Variants in PRTFDC1 observed in about 807,000 individuals in gnomAD.
The protein encoded by PRTFDC1 is phosphoribosyl transferase domain containing 1.
A neutral mutation model predicts 34.6 loss-of-function variants in PRTFDC1; 38 were observed. That is an observed-to-expected ratio of 1.10 (90% CI 0.85 to 1.44). The LOEUF (loss-of-function observed/expected upper bound fraction) is 1.44. PRTFDC1 is among the 40% of genes most tolerant of loss of function. The pLI is 0.00. For synonymous variants in PRTFDC1, 93 were observed against 98.1 expected, an observed-to-expected ratio of 0.95 and a Z score of 0.31; for missense variants, 270 against 283.0, an observed-to-expected ratio of 0.95 and a Z score of 0.33.
intron 4 of PRTFDC1, among the ~76,000 whole-genome samples, chr10:24,868,706 C>A (rs1437110304): frequency 6.6e-6 from 1 of 152,178 alleles, no homozygotes; most frequent in Non-Finnish European, 1.5e-5. Flanking sequence ...ATCCTTTCAT[C>A]CACTGCAGAT....
chr10:24,864,150 TAAG>T (rs1157301625), intron 4 of PRTFDC1, among the ~76,000 whole-genome samples: 2 of 152,040 alleles, frequency 1.3e-5, no homozygotes, highest in East Asian at 3.8e-4. Flanking sequence ...CTTGAACAGA[TAAG>T]GAGTTGCTTC....
chr10:24,911,608 C>T (rs1272382428), intron 3 of PRTFDC1, among the ~76,000 whole-genome samples: 1 of 152,214 alleles, frequency 6.6e-6, no homozygotes. Flanking sequence ...TGGCTCATAC[C>T]TGTAATCCCA....
At chr10:24,934,879 C>T (rs138652699) in intron 3 of PRTFDC1, among the ~76,000 whole-genome samples, 19 of 152,214 alleles carry the variant, frequency 1.2e-4, no homozygotes, top group African/African-American at 3.1e-4. Flanking sequence ...AAATATTTTA[C>T]GGAGTTTGAC....
In PRTFDC1 at chr10:24,849,622, T is replaced by G; in HGVS notation, c.*222A>C. The G allele has an allele frequency of 2.0e-6, 1 of 496,966 alleles. No individual in the cohort carries two copies. Among genetic ancestry groups the G allele is most frequent in the Non-Finnish European group, 3.6e-6 (1 of 278,938 alleles). The allele number at this position is 496,966 out of a possible 1,614,324, so 30.8% of individuals were successfully genotyped here. A position where few individuals can be genotyped will look rare whatever the true frequency, so the allele number is the denominator to read the frequency against. ...TTGCTGAGTCACAAGGCGGAGTGTT[T>G]AATTTGGAACAAGTCAAATAAAAGC... On this transcript the variant is annotated 3_prime_UTR_variant, in exon 9 of 9. Transcript: ENST00000320152.
chr10:24,937,387 T>G lies in PRTFDC1; in HGVS notation c.156-20A>C. ...TCAATTCTGAAAGAAGGATAAAAGA[T>G]ATATTAAGGCACAACTACTTCTGAG... On this transcript the variant is annotated intron_variant, in intron 2 of 8. Coordinates refer to ENST00000320152, the MANE Select transcript of PRTFDC1 (RefSeq NM_020200.7). The G allele has an allele frequency of 6.3e-7, 1 of 1,595,178 alleles. No individual in the cohort carries two copies. The highest frequency in any genetic ancestry group is 1.3e-5 in the African/African-American group (1 of 74,294).
intron 3 of PRTFDC1, among the ~76,000 whole-genome samples, chr10:24,890,677 C>CT (rs1848245266): frequency 6.6e-6 from 1 of 152,164 alleles, no homozygotes; most frequent in Non-Finnish European, 1.5e-5. Flanking sequence ...TGTCTGGCTC[C>CT]TTTGCCCATA....
chr10:24,927,553 G>C (rs1380129649), intron 3 of PRTFDC1, among the ~76,000 whole-genome samples: 1 of 151,026 alleles, frequency 6.6e-6, no homozygotes, highest in Non-Finnish European at 1.5e-5. Flanking sequence ...GTTTGCAAAA[G>C]AGTATTGAAG....
intron 4 of PRTFDC1, among the ~76,000 whole-genome samples, chr10:24,868,937 G>A (rs576787885): frequency 1.3e-5 from 2 of 151,896 alleles, no homozygotes; most frequent in African/African-American, 2.4e-5. Context: ...ATGTATTTAC[G>A]GAGTACATGA....
At chr10:24,864,601 T>A (rs1352503729) in intron 4 of PRTFDC1, among the ~76,000 whole-genome samples, 1 of 152,172 alleles carries the variant, frequency 6.6e-6, no homozygotes, top group African/African-American at 2.4e-5. Context: ...TTTCATTAAG[T>A]TATGTGCCTT....
intron 4 of PRTFDC1, among the ~76,000 whole-genome samples, chr10:24,858,615 T>C (rs1429348379): frequency 6.6e-6 from 1 of 152,176 alleles, no homozygotes; most frequent in Non-Finnish European, 1.5e-5. Context: ...GCAATATTAG[T>C]ATCTATATTT....
intron 3 of PRTFDC1, among the ~76,000 whole-genome samples, chr10:24,881,719 T>C (rs569260107): frequency 3.9e-5 from 6 of 152,130 alleles, no homozygotes; most frequent in Non-Finnish European, 7.4e-5. Flanking sequence ...TTCCACAAAT[T>C]TTGATAAACA....
chr10:24,915,123 A>G (rs987627329), intron 3 of PRTFDC1, among the ~76,000 whole-genome samples: 4 of 152,190 alleles, frequency 2.6e-5, no homozygotes, highest in African/African-American at 9.7e-5. Flanking sequence ...CATGAGACAC[A>G]CATGGCTAGC....
chr10:24,870,961 A>T (rs944127400), intron 4 of PRTFDC1, among the ~76,000 whole-genome samples: 3 of 151,162 alleles, frequency 2.0e-5, no homozygotes, highest in African/African-American at 7.3e-5. Context: ...AATCCCAGCT[A>T]CTTGGGAGGC....
At chr10:24,937,474 G>A (rs1182364598) in intron 2 of PRTFDC1, 107 bp from the exon 3 acceptor site, 5 of 1,035,434 alleles carry the variant, frequency 4.8e-6, no homozygotes, top group Non-Finnish European at 5.3e-6. Context: ...TCAGAGGAAT[G>A]TGGGGAAAAC....
At chr10:24,916,845 G>A (rs2132576865) in intron 3 of PRTFDC1, among the ~76,000 whole-genome samples, 1 of 152,200 alleles carries the variant, frequency 6.6e-6, no homozygotes, top group Admixed American at 6.5e-5. Context: ...GCGAGTGAAT[G>A]GGCTATGCAA....
intron 3 of PRTFDC1, among the ~76,000 whole-genome samples, chr10:24,923,169 C>T (rs929293380): frequency 5.3e-5 from 8 of 152,346 alleles, no homozygotes; most frequent in Admixed American, 4.6e-4. Context: ...CAGAGCCCAC[C>T]ACAGCTCAGC....
chr10:24,949,828 G>A (rs543590904), intron 1 of PRTFDC1, among the ~76,000 whole-genome samples: 12 of 151,446 alleles, frequency 7.9e-5, no homozygotes, highest in African/African-American at 2.2e-4. Context: ...TCCACCTTCC[G>A]GATTCAAGCA....
At chr10:24,928,908 C>T (rs1423106751) in intron 3 of PRTFDC1, among the ~76,000 whole-genome samples, 2 of 151,500 alleles carry the variant, frequency 1.3e-5, no homozygotes, top group African/African-American at 4.8e-5. Flanking sequence ...GGCGTGGTGG[C>T]GGGCGCCTGT....
At chr10:24,874,737 A>T (rs769452844) in intron 3 of PRTFDC1, among the ~76,000 whole-genome samples, 1 of 152,192 alleles carries the variant, frequency 6.6e-6, no homozygotes, top group Admixed American at 6.5e-5. Context: ...TGTTTTTTTA[A>T]AATTTTTAAT....
Sources: allele counts gnomAD v4.1 joint callset (sites outside exome capture counted in the v4.1 genomes callset), GRCh38; gene constraint gnomAD v4.1.1; transcripts MANE v1.5; gene names NCBI Gene and HGNC (gene_info 2026-07-23, HGNC 2026-07-21).